SLC24A2: variants seen among roughly 807,000 people sequenced by gnomAD.
SLC24A2 encodes the protein sodium/potassium/calcium exchanger 2.
SLC24A2 carries 36 observed loss-of-function variants against 62.0 expected under a neutral mutation model. The observed-to-expected ratio is 0.58, with a 90% CI of 0.44 to 0.77. The LOEUF is 0.77. Among genes scored for constraint, SLC24A2 ranks in the 30% least tolerant of loss-of-function variants. The pLI is 0.00. For missense variants in SLC24A2, 846 were observed against 817.9 expected, an observed-to-expected ratio of 1.03 and a Z score of -0.42; for synonymous variants, 358 against 294.0, an observed-to-expected ratio of 1.22 and a Z score of -2.23.
At chr9:19,764,567 G>C (rs1385213899) in intron 2 of SLC24A2, among the ~76,000 whole-genome samples, 1 of 152,214 alleles carries the variant, frequency 6.6e-6, no homozygotes, top group Non-Finnish European at 1.5e-5. Context: ...TTACGCAGTA[G>C]TCATTCAGGA....
chr9:20,251,977 G>A, the SLC24A2 span, among the ~76,000 whole-genome samples: 5 of 152,288 alleles, frequency 3.3e-5, no homozygotes, highest in South Asian at 1.0e-3. Flanking sequence ...GCCAGACTTT[G>A]CCACATGCTT....
At chr9:20,087,206 A>G in the SLC24A2 span, among the ~76,000 whole-genome samples, 3 of 152,198 alleles carry the variant, frequency 2.0e-5, no homozygotes. Context: ...TAATTAATTC[A>G]TTAATAAATA....
intron 2 of SLC24A2, among the ~76,000 whole-genome samples, chr9:19,648,266 G>T (rs1420136616): frequency 6.6e-6 from 1 of 152,162 alleles, no homozygotes; most frequent in Non-Finnish European, 1.5e-5. Flanking sequence ...ACATCTGTCT[G>T]ATTCTAATAA....
At chr9:19,733,564 G>T (rs1380053761) in intron 2 of SLC24A2, among the ~76,000 whole-genome samples, 1 of 152,160 alleles carries the variant, frequency 6.6e-6, no homozygotes, top group South Asian at 2.1e-4. Context: ...GATTTGCACA[G>T]GTGTTCAGGA....
the SLC24A2 span, among the ~76,000 whole-genome samples, chr9:20,114,850 T>C: frequency 1.3e-5 from 2 of 152,116 alleles, no homozygotes; most frequent in Non-Finnish European, 2.9e-5. Context: ...GAAACTTTCC[T>C]TCTACCCCTG....
chr9:19,706,011 C>T (rs943116201), intron 2 of SLC24A2, among the ~76,000 whole-genome samples: 25 of 152,100 alleles, frequency 1.6e-4, no homozygotes, highest in African/African-American at 6.0e-4. Context: ...TCTCGTTGAT[C>T]TGTCTAATGT....
the SLC24A2 span, among the ~76,000 whole-genome samples, chr9:19,975,897 C>CATTTTT: frequency 8.1e-5 from 6 of 74,288 alleles, no homozygotes; most frequent in Non-Finnish European, 1.7e-4. Context: ...CATAAACATA[C>CATTTTT]GTTTTTGTTT....
the SLC24A2 span, among the ~76,000 whole-genome samples, chr9:19,806,336 GTTTA>G: frequency 6.6e-6 from 1 of 152,130 alleles, no homozygotes; most frequent in African/African-American, 2.4e-5. Flanking sequence ...TAGTTGTAGA[GTTTA>G]TTTGAGTACA....
chr9:20,213,535 A>G, the SLC24A2 span, among the ~76,000 whole-genome samples: 1 of 152,176 alleles, frequency 6.6e-6, no homozygotes, highest in Non-Finnish European at 1.5e-5. Flanking sequence ...ATAAAATAAT[A>G]CTTTTGAAAG....
intron 2 of SLC24A2, among the ~76,000 whole-genome samples, chr9:19,770,506 C>T (rs1822652924): frequency 6.6e-6 from 1 of 152,100 alleles, no homozygotes; most frequent in African/African-American, 2.4e-5. Context: ...ACAGTCTCTT[C>T]ATGTCTGCAG....
In SLC24A2 at chr9:19,550,251, C is replaced by T. The variant is rs370384043; in HGVS notation, c.1365G>A (p.Glu455=). The T allele has an allele frequency of 6.8e-6, 11 of 1,613,852 alleles. No individual in the cohort carries two copies. The highest frequency in any genetic ancestry group is 9.3e-6 in the Non-Finnish European group (11 of 1,179,884). The change falls in exon 8 of 11, where the codon GAG becomes GAA. Residue 455 remains glutamate (E), a synonymous_variant. Transcript: ENST00000341998. ...GCCAGGCAAGGCTGAGAGGCTGGTC[C>T]TCCTCCTCATCAGCGGTCTGTGGTA... ...GAEAQTADEE[E]DQPLSLAWPS...
intron 2 of SLC24A2, among the ~76,000 whole-genome samples, chr9:19,661,494 C>A (rs188587903): frequency 9.6e-4 from 143 of 148,722 alleles, no homozygotes; most frequent in Admixed American, 9.6e-3. Flanking sequence ...GGATATCCTT[C>A]TTCTAAGTAT....
the SLC24A2 span, among the ~76,000 whole-genome samples, chr9:20,303,000 G>A: frequency 6.6e-6 from 1 of 152,042 alleles, no homozygotes; most frequent in Non-Finnish European, 1.5e-5. Flanking sequence ...TAGAGTATCT[G>A]ATATATTTTG....
the SLC24A2 span, among the ~76,000 whole-genome samples, chr9:19,965,157 A>G: frequency 1.4e-4 from 21 of 152,228 alleles, no homozygotes; most frequent in East Asian, 2.9e-3. Context: ...GAGAAAAGGT[A>G]GAAGTAATAC....
rs993554115 is a variant in SLC24A2 at position 19,511,714 on chromosome 9, T to G, written c.*4439A>C. 1.3e-5 allele frequency: 2 copies of G among 152,182 alleles called. No homozygotes were observed. The highest frequency in any genetic ancestry group is 4.8e-5 in the African/African-American group (2 of 41,444). 9.4% of individuals were successfully genotyped at this position (152,182 alleles called of 1,614,324 possible). A position where few individuals can be genotyped will look rare whatever the true frequency, so the allele number is the denominator to read the frequency against. The stretch of plus-strand genomic sequence containing the variant: ...GTGAGCACTGACTTCTATGCATGCT[T>G]TCAGGAGACAGTAGTTTTCTCCAGA... On this transcript the variant is annotated 3_prime_UTR_variant, in exon 11 of 11. Transcript: ENST00000341998.
chr9:20,084,191 C>T, the SLC24A2 span, among the ~76,000 whole-genome samples: 2 of 152,216 alleles, frequency 1.3e-5, no homozygotes, highest in African/African-American at 2.4e-5. Context: ...GTGAGCTTCT[C>T]AGCAGGTACC....
chr9:19,935,762 C>G, the SLC24A2 span, among the ~76,000 whole-genome samples: 1 of 152,146 alleles, frequency 6.6e-6, no homozygotes, highest in African/African-American at 2.4e-5. Context: ...GTGTGAGGAA[C>G]TCATAGGGAA....
the SLC24A2 span, among the ~76,000 whole-genome samples, chr9:19,977,130 T>G: frequency 6.6e-6 from 1 of 151,614 alleles, no homozygotes; most frequent in African/African-American, 2.4e-5. Context: ...TGTGTGTGTG[T>G]GTGTGTGTGT....
At chr9:20,075,806 G>C in the SLC24A2 span, among the ~76,000 whole-genome samples, 2 of 152,130 alleles carry the variant, frequency 1.3e-5, no homozygotes, top group Non-Finnish European at 2.9e-5. Flanking sequence ...CCCATTTTAA[G>C]AGAAATTGTT....
Sources: allele counts gnomAD v4.1 joint callset (sites outside exome capture counted in the v4.1 genomes callset), GRCh38; gene constraint gnomAD v4.1.1; transcripts MANE v1.5; gene names NCBI Gene and HGNC (gene_info 2026-07-23, HGNC 2026-07-21).